Variants in MYT1L observed in about 807,000 individuals in gnomAD.
The protein encoded by MYT1L is myelin transcription factor 1 like.
A neutral mutation model predicts 126.7 loss-of-function variants in MYT1L; 12 were observed. The observed-to-expected ratio is 0.09, with a 90% CI of 0.06 to 0.15. The LOEUF is 0.15. Ranked by LOEUF, MYT1L falls within the 10% of genes least tolerant of loss-of-function variation. The pLI is 1.00. For missense variants in MYT1L, 979 were observed against 1,585.2 expected, an observed-to-expected ratio of 0.62 and a Z score of 6.49; for synonymous variants, 541 against 604.2, an observed-to-expected ratio of 0.90 and a Z score of 1.53.
chr2:2,180,984 C>T (rs367880573), intron 2 of MYT1L, among the ~76,000 whole-genome samples: 10 of 94,176 alleles, frequency 1.1e-4, no homozygotes, highest in African/African-American at 4.0e-4. Context: ...GTGTGTGTAC[C>T]TGTGTGTGCT....
chr2:2,196,077 A>C (rs2092785173), intron 2 of MYT1L, among the ~76,000 whole-genome samples: 1 of 152,136 alleles, frequency 6.6e-6, no homozygotes, highest in African/African-American at 2.4e-5. Flanking sequence ...ATAAATACAA[A>C]GCAAATCACA....
chr2:1,883,695 C>G (rs1056662104), intron 18 of MYT1L, among the ~76,000 whole-genome samples: 1 of 152,160 alleles, frequency 6.6e-6, no homozygotes, highest in African/African-American at 2.4e-5. Flanking sequence ...CTCAAAGCAT[C>G]GACGCGCAAA....
At chr2:1,999,300 A>G (rs1364602920) in intron 4 of MYT1L, among the ~76,000 whole-genome samples, 2 of 152,170 alleles carry the variant, frequency 1.3e-5, no homozygotes. Context: ...GGCTCCCTAC[A>G]TATGAATGTG....
chr2:2,296,603 AAG>A (rs1277662449), intron 1 of MYT1L, among the ~76,000 whole-genome samples: 2 of 151,908 alleles, frequency 1.3e-5, no homozygotes, highest in African/African-American at 4.8e-5. Flanking sequence ...ACTCCAGGAG[AAG>A]AGAGAGGGGG....
intron 4 of MYT1L, among the ~76,000 whole-genome samples, chr2:2,052,691 G>A (rs2068979935): frequency 6.6e-6 from 1 of 152,074 alleles, no homozygotes; most frequent in Admixed American, 6.6e-5. Flanking sequence ...CTAATAATGA[G>A]GGAAATGCAA....
chr2:2,187,360 A>G (rs1468977924), intron 2 of MYT1L, among the ~76,000 whole-genome samples: 1 of 152,070 alleles, frequency 6.6e-6, no homozygotes. Context: ...GCGAGAACCC[A>G]CAATCAAGCC....
intron 1 of MYT1L, chr2:2,326,580 T>C (rs912555473): frequency 2.0e-5 from 3 of 151,342 alleles, no homozygotes; most frequent in African/African-American, 7.3e-5. Flanking sequence ...ACTTTTCCAA[T>C]AATCACCACG....
intron 2 of MYT1L, among the ~76,000 whole-genome samples, chr2:2,205,011 G>C (rs2093255342): frequency 6.7e-6 from 1 of 149,810 alleles, no homozygotes. Context: ...CTAGCGCAAG[G>C]ACAAAAAACC....
At chr2:2,320,591 C>A (rs901083380) in intron 1 of MYT1L, among the ~76,000 whole-genome samples, 5 of 151,984 alleles carry the variant, frequency 3.3e-5, no homozygotes, top group African/African-American at 9.7e-5. Context: ...ACTGTTAGAA[C>A]AACTACCATC....
chr2:2,214,993 A>G (rs1001787838), intron 2 of MYT1L, among the ~76,000 whole-genome samples: 6 of 152,340 alleles, frequency 3.9e-5, no homozygotes, highest in African/African-American at 1.4e-4. Context: ...GTGAAGTGGT[A>G]TAATACAACT....
At chr2:2,148,968 C>G (rs2085315968) in intron 3 of MYT1L, among the ~76,000 whole-genome samples, 1 of 152,176 alleles carries the variant, frequency 6.6e-6, no homozygotes, top group Non-Finnish European at 1.5e-5. Flanking sequence ...AGATTCACAT[C>G]AGGCTGTTAC....
rs1435277176 is a variant in MYT1L, at chr2:1,848,172, G to C, written c.2774+3469C>G. 1.3e-5 allele frequency among the ~76,000 whole-genome samples: 2 copies of C among 152,218 alleles called. No homozygotes were observed. The highest frequency in any genetic ancestry group is 3.8e-4 in the East Asian group (2 of 5,200). On this transcript the variant is annotated intron_variant, in intron 19 of 24. Transcript: ENST00000647738. The surrounding 1 kb of genome is among the most constrained non-coding windows in gnomAD (Gnocchi z 4.8). Reference sequence around the variant, plus strand: ...CAGAATGGGCCCAGGAGAAGGCTGGGGCTTGGCCTCAGTTTTCTCTCAGAT... The same window carrying C: ...CAGAATGGGCCCAGGAGAAGGCTGGCGCTTGGCCTCAGTTTTCTCTCAGAT...
At chr2:2,092,896 C>T (rs1046434899) in intron 3 of MYT1L, among the ~76,000 whole-genome samples, 19 of 152,152 alleles carry the variant, frequency 1.2e-4, no homozygotes, top group Admixed American at 4.6e-4. Context: ...GTCAGGAGAC[C>T]GGGCATCGCC....
At chr2:2,046,239 C>G (rs2068168188) in intron 4 of MYT1L, among the ~76,000 whole-genome samples, 1 of 152,186 alleles carries the variant, frequency 6.6e-6, no homozygotes, top group African/African-American at 2.4e-5. Context: ...TCTACGTATA[C>G]ATACATGCTT....
At chr2:2,168,363 G>T (rs2148502633) in intron 3 of MYT1L, among the ~76,000 whole-genome samples, 1 of 152,296 alleles carries the variant, frequency 6.6e-6, no homozygotes, top group East Asian at 1.9e-4. Flanking sequence ...AATTCTTTCT[G>T]CTACTTTTGA....
chr2:2,099,378 G>A (rs892558874), intron 3 of MYT1L, among the ~76,000 whole-genome samples: 2 of 151,390 alleles, frequency 1.3e-5, no homozygotes, highest in African/African-American at 4.8e-5. Flanking sequence ...AAAATGGGCT[G>A]ATAGAAAATT....
chr2:2,064,586 G>GT (rs141607010), intron 3 of MYT1L, among the ~76,000 whole-genome samples: 3,045 of 152,202 alleles, frequency 0.02, 102 homozygotes, highest in African/African-American at 0.069. Flanking sequence ...TGCTCAGGGA[G>GT]TTTTTTGTGA....
At chr2:1,824,961 T>A (rs2039094247) in intron 21 of MYT1L, 1 of 152,184 alleles carries the variant, frequency 6.6e-6, no homozygotes, top group Admixed American at 6.6e-5. Flanking sequence ...GAAGGATGCA[T>A]CCCCATCAGG....
chr2:2,296,388 G>A lies in MYT1L; in HGVS notation c.-520-11885C>T, dbSNP rs1013298162. Reference sequence around the variant, plus strand: ...TTTATTTTTTTTTAAGAGAAAAAATGTGATTCACAATGACAACTATTTCCA... The same window carrying A: ...TTTATTTTTTTTTAAGAGAAAAAATATGATTCACAATGACAACTATTTCCA... On this transcript the variant is annotated intron_variant, in intron 1 of 24. Transcript: ENST00000647738. 1.8e-4 allele frequency among the ~76,000 whole-genome samples: 27 copies of A among 152,138 alleles called. 1 individual carries two copies. The highest frequency in any genetic ancestry group is 1.8e-3 in the Admixed American group (27 of 15,280).
Sources: allele counts gnomAD v4.1 joint callset (sites outside exome capture counted in the v4.1 genomes callset), GRCh38; gene constraint gnomAD v4.1.1; non-coding constraint Gnocchi (gnomAD v3.1); transcripts MANE v1.5; gene names NCBI Gene and HGNC (gene_info 2026-07-23, HGNC 2026-07-21).